The following R3HDM2 variants were observed in gnomAD, a reference collection of about 807,000 sequenced individuals.
R3HDM2 encodes the protein R3H domain containing 2, also known as R3H domain-containing protein 2.
R3HDM2 carries 38 observed loss-of-function variants against 124.5 expected under a neutral mutation model. The ratio of observed to expected loss-of-function variants is 0.31; its 90% CI spans 0.24 to 0.40. The LOEUF is 0.40. R3HDM2 is among the 10% of genes least tolerant of loss of function. The pLI, the probability that R3HDM2 is intolerant of heterozygous loss-of-function variation, is 1.00. For missense variants in R3HDM2, 869 were observed against 1,236.9 expected, an observed-to-expected ratio of 0.70 and a Z score of 4.46; for synonymous variants, 391 against 448.0, an observed-to-expected ratio of 0.87 and a Z score of 1.61.
At chr12:57,387,555 T>C (rs2066029508) in intron 2 of R3HDM2, among the ~76,000 whole-genome samples, 1 of 152,236 alleles carries the variant, frequency 6.6e-6, no homozygotes, top group Non-Finnish European at 1.5e-5. Flanking sequence ...ATTTTCTCAG[T>C]TTTAACTTCT....
intron 2 of R3HDM2, among the ~76,000 whole-genome samples, chr12:57,322,114 G>T (rs1207781729): frequency 7.2e-5 from 11 of 152,112 alleles, no homozygotes; most frequent in Non-Finnish European, 7.4e-5. Flanking sequence ...TGTTCGGGAG[G>T]CTGAGGCAGC....
intron 2 of R3HDM2, among the ~76,000 whole-genome samples, chr12:57,325,451 A>G (rs1447558652): frequency 6.6e-6 from 1 of 152,230 alleles, no homozygotes; most frequent in Non-Finnish European, 1.5e-5. Context: ...CTAGCACTCC[A>G]GCAGCCATTT....
intron 1 of R3HDM2, among the ~76,000 whole-genome samples, chr12:57,397,097 G>GA (rs879440991): frequency 4.3e-4 from 61 of 140,360 alleles, no homozygotes; most frequent in South Asian, 1.1e-3. Context: ...CCATCTCAAA[G>GA]AAAAAAAAAA....
intron 20 of R3HDM2, among the ~76,000 whole-genome samples, 197 bp from the exon 21 acceptor site, chr12:57,258,334 A>T (rs1232005653): frequency 6.6e-6 from 1 of 150,538 alleles, no homozygotes; most frequent in Admixed American, 6.6e-5. Context: ...TTATTTATTT[A>T]TTTATTTATT....
At chr12:57,348,252 C>T (rs535420244) in intron 2 of R3HDM2, among the ~76,000 whole-genome samples, 10 of 152,102 alleles carry the variant, frequency 6.6e-5, no homozygotes, top group African/African-American at 1.9e-4. Context: ...GGCGAGACCT[C>T]GTCTCCCTTG....
chr12:57,314,318 A>G (rs1360166592), intron 2 of R3HDM2, among the ~76,000 whole-genome samples: 1 of 151,962 alleles, frequency 6.6e-6, no homozygotes, highest in Non-Finnish European at 1.5e-5. Flanking sequence ...CATCTCTACT[A>G]AAAATACAAA....
At chr12:57,402,612 T>A (rs975801855) in intron 1 of R3HDM2, among the ~76,000 whole-genome samples, 3 of 152,022 alleles carry the variant, frequency 2.0e-5, no homozygotes, top group Non-Finnish European at 2.9e-5. Context: ...CTACTAAAAA[T>A]ACAAAAATTA....
chr12:57,423,389 A>T (rs1389772602), intron 1 of R3HDM2, among the ~76,000 whole-genome samples: 2 of 151,928 alleles, frequency 1.3e-5, no homozygotes, highest in East Asian at 3.9e-4. Flanking sequence ...ATGCCACTGC[A>T]CTCCAGCCTG....
rs1176126193 is a variant in R3HDM2, at chr12:57,407,467, A to G, written c.-105-11649T>C. Among the ~76,000 whole-genome samples, 7 of 149,900 alleles carry G rather than the reference A, an allele frequency of 4.7e-5. No individual in the cohort carries two copies. In the East Asian group the frequency reaches 1.0e-3, roughly 22 times the overall value. ...GTTGCCCAGGCTGGAGTGCAGTGGC[A>G]CAATCTCAGCTCACTGCAACCTCCA... On this transcript the variant is annotated intron_variant, in intron 1 of 23. Coordinates refer to ENST00000402412, the MANE Select transcript of R3HDM2 (RefSeq NM_001394031.1).
At chr12:57,399,682 C>G (rs1226787354) in intron 1 of R3HDM2, among the ~76,000 whole-genome samples, 2 of 152,152 alleles carry the variant, frequency 1.3e-5, no homozygotes, top group African/African-American at 2.4e-5. Flanking sequence ...TTTTAAAGAT[C>G]CTAACAACTG....
chr12:57,325,851 T>C (rs1453622727), intron 2 of R3HDM2, among the ~76,000 whole-genome samples: 3 of 149,518 alleles, frequency 2.0e-5, no homozygotes, highest in Non-Finnish European at 4.4e-5. Flanking sequence ...TTTTTTCTTT[T>C]CTTTTTTTTT....
intron 6 of R3HDM2, among the ~76,000 whole-genome samples, 195 bp downstream of exon 6, chr12:57,299,157 C>T (rs935320458): frequency 6.6e-6 from 1 of 152,154 alleles, no homozygotes; most frequent in Non-Finnish European, 1.5e-5. Context: ...GAGTAGCTGT[C>T]TGTGGCATGT....
At chr12:57,414,751 T>G (rs2069397209) in intron 1 of R3HDM2, among the ~76,000 whole-genome samples, 1 of 151,478 alleles carries the variant, frequency 6.6e-6, no homozygotes, top group South Asian at 2.1e-4. Flanking sequence ...GAGAATCACT[T>G]GTACCCAGTA....
chr12:57,384,510 A>T (rs549811022), intron 2 of R3HDM2, among the ~76,000 whole-genome samples: 118 of 152,324 alleles, frequency 7.7e-4, no homozygotes, highest in Non-Finnish European at 1.4e-3. Context: ...AAAAAAAATA[A>T]CATATGTAAA....
At chr12:57,285,489 T>G (rs2047133539) in intron 12 of R3HDM2, among the ~76,000 whole-genome samples, 2 of 151,784 alleles carry the variant, frequency 1.3e-5, no homozygotes, top group African/African-American at 4.8e-5. Context: ...ACTTAAATGC[T>G]TCTATGTAGT....
At chr12:57,368,222 GTATATA>G (rs139443382) in intron 2 of R3HDM2, among the ~76,000 whole-genome samples, 1 of 151,496 alleles carries the variant, frequency 6.6e-6, no homozygotes, top group African/African-American at 2.4e-5. Context: ...AATTCAATGT[GTATATA>G]TATATATTTA....
intron 2 of R3HDM2, among the ~76,000 whole-genome samples, chr12:57,366,526 T>A (rs1296313564): frequency 5.3e-5 from 8 of 152,216 alleles, no homozygotes; most frequent in Non-Finnish European, 1.5e-5. Flanking sequence ...CTCTGAATCA[T>A]TCCTGGGTCT....
chr12:57,353,993 A>C (rs2060960469), intron 2 of R3HDM2, among the ~76,000 whole-genome samples: 1 of 151,918 alleles, frequency 6.6e-6, no homozygotes, highest in Non-Finnish European at 1.5e-5. Flanking sequence ...AGCTAGGATT[A>C]CAAGTGCACG....
intron 2 of R3HDM2, among the ~76,000 whole-genome samples, chr12:57,368,141 C>G (rs2062878377): frequency 1.3e-5 from 2 of 151,946 alleles, no homozygotes; most frequent in South Asian, 4.2e-4. Context: ...TATATTCCAC[C>G]AGGGATGATC....
Sources: allele counts gnomAD v4.1 joint callset (sites outside exome capture counted in the v4.1 genomes callset), GRCh38; gene constraint gnomAD v4.1.1; transcripts MANE v1.5; gene names NCBI Gene and HGNC (gene_info 2026-07-23, HGNC 2026-07-21).